The following SFMBT2 variants were observed in gnomAD, a reference collection of about 807,000 sequenced individuals.
SFMBT2 encodes the protein scm-like with four MBT domains protein 2.
A neutral mutation model predicts 110.1 loss-of-function variants in SFMBT2; 38 were observed. The observed-to-expected ratio is 0.35, with a 90% CI of 0.27 to 0.45. The LOEUF is 0.45. SFMBT2 is among the 20% of genes least tolerant of loss of function. The pLI is 1.00. For synonymous variants in SFMBT2, 425 were observed against 425.4 expected (o/e 1.00, Z 0.01); for missense variants, 1,011 against 1,094.9 (o/e 0.92, Z 1.08).
intron 6 of SFMBT2, among the ~76,000 whole-genome samples, chr10:7,282,980 G>T (rs1185938549): frequency 6.6e-6 from 1 of 152,162 alleles, no homozygotes; most frequent in South Asian, 2.1e-4. Context: ...GCCGGTAAGA[G>T]GAGGCCGGTA....
rs370851827 is a variant in SFMBT2, at chr10:7,385,870, G to T, written c.-51-3921C>A. Among the ~76,000 whole-genome samples, 8 of 152,178 alleles carry T rather than the reference G, an allele frequency of 5.3e-5. No individual in the cohort carries two copies. The East Asian group carries it at 1.4e-3, about 26-fold the overall frequency. On this transcript the variant is annotated intron_variant, in intron 1 of 20. Transcript: ENST00000397167. Reference sequence around the variant, plus strand: ...AAAAAATTAGCCAGGCGTGGTGGTGGGCACCTGTAGTCCCAGCTACTCAGG... The same window carrying T: ...AAAAAATTAGCCAGGCGTGGTGGTGTGCACCTGTAGTCCCAGCTACTCAGG...
At chr10:7,348,086 A>G (rs1433492512) in intron 4 of SFMBT2, 1 of 416,640 alleles carries the variant, frequency 2.4e-6, no homozygotes, top group African/African-American at 2.0e-5. Context: ...CCCGGCATAT[A>G]AATCATCATC....
chr10:7,241,586 T>C (rs1840431238), intron 9 of SFMBT2, among the ~76,000 whole-genome samples: 2 of 152,208 alleles, frequency 1.3e-5, no homozygotes, highest in Non-Finnish European at 2.9e-5. Flanking sequence ...CTAAATATTA[T>C]GTATAAAAAG....
intron 5 of SFMBT2, 81 bp from the exon 6 acceptor site, chr10:7,284,231 A>AT: frequency 1.3e-6 from 2 of 1,547,068 alleles, no homozygotes; most frequent in Admixed American, 2.0e-5. Context: ...AGAAGATAAT[A>AT]TTTTTTCACA....
chr10:7,398,693 A>ACAAACCCT (rs1187018550), intron 1 of SFMBT2, among the ~76,000 whole-genome samples: 1 of 152,196 alleles, frequency 6.6e-6, no homozygotes, highest in Non-Finnish European at 1.5e-5. Flanking sequence ...AACCTATTGG[A>ACAAACCCT]CAAACCCTAC....
At chr10:7,215,249 A>G (rs1024892272) in intron 11 of SFMBT2, among the ~76,000 whole-genome samples, 1 of 152,100 alleles carries the variant, frequency 6.6e-6, no homozygotes, top group African/African-American at 2.4e-5. Flanking sequence ...TAAAAATACA[A>G]AAGAAATTAG....
At chr10:7,174,271 G>C (rs909368581) in intron 17 of SFMBT2, among the ~76,000 whole-genome samples, 1 of 152,220 alleles carries the variant, frequency 6.6e-6, no homozygotes, top group Admixed American at 6.5e-5. Context: ...CTCCAGGTAC[G>C]GGGCAAATGA....
chr10:7,223,857 G>A (rs1166127870), intron 10 of SFMBT2, among the ~76,000 whole-genome samples: 1 of 152,202 alleles, frequency 6.6e-6, no homozygotes, highest in East Asian at 1.9e-4. Context: ...CAGAGAATGT[G>A]TATTTCTGAA....
rs74117295 is a variant in SFMBT2 at position 7,255,946 on chromosome 10, C to T, written c.871-7297G>A. On this transcript the variant is annotated intron_variant, in intron 7 of 20. Coordinates refer to ENST00000397167, the MANE Select transcript of SFMBT2 (RefSeq NM_001387889.1). ...AACAGACAAATGTACTGCAAATATT[C>T]CAAAATCTGAACCCAGAGACACGTC... is the stretch of plus-strand genomic sequence containing the variant. Among the ~76,000 whole-genome samples, 720 of 152,272 alleles carry T rather than the reference C, an allele frequency of 4.7e-3. 1 individual carries two copies. The highest frequency in any genetic ancestry group is 0.017 in the African/African-American group (693 of 41,536).
chr10:7,393,029 ATATAT>A (rs1435780529), intron 1 of SFMBT2, among the ~76,000 whole-genome samples: 3 of 40,142 alleles, frequency 7.5e-5, no homozygotes, highest in South Asian at 7.3e-4. Context: ...ATATATATAT[ATATAT>A]AATTTTTTTT....
chr10:7,333,345 A>G (rs970452463), intron 4 of SFMBT2, among the ~76,000 whole-genome samples: 102 of 152,074 alleles, frequency 6.7e-4, no homozygotes, highest in African/African-American at 2.4e-3. Flanking sequence ...GGCATATTAC[A>G]GGCACCTAGT....
chr10:7,164,466 C>T, intron 20 of SFMBT2: 1 of 984,028 alleles, frequency 1.0e-6, no homozygotes, highest in Non-Finnish European at 1.2e-6. Context: ...CACATACCTA[C>T]CCTGGTGGGT....
chr10:7,371,920 ATTTTTTTTTT>A lies in SFMBT2; in HGVS notation c.101-1555_101-1546del, dbSNP rs762872004. 5.1e-5 allele frequency among the ~76,000 whole-genome samples: 4 copies of A among 77,734 alleles called. No individual in the cohort carries two copies. In the South Asian group the frequency reaches 2.2e-3, roughly 44 times the overall value. The allele number at this position is 77,734 out of a possible 152,430, so 51.0% of individuals were successfully genotyped here. ...TATCACTACTTTTTGTCCACCTGTA[ATTTTTTTTTT>A]TTTTTTTTTTTTTTGAGATGGAGTC... On this transcript the variant is annotated intron_variant, in intron 2 of 20. Coordinates refer to ENST00000397167, the MANE Select transcript of SFMBT2 (RefSeq NM_001387889.1).
chr10:7,250,007 A>T (rs897751395), intron 7 of SFMBT2, among the ~76,000 whole-genome samples: 3 of 152,264 alleles, frequency 2.0e-5, no homozygotes, highest in South Asian at 4.1e-4. Context: ...CAAATTCCTT[A>T]AGAACTTACA....
chr10:7,370,669 G>A (rs935852371), intron 2 of SFMBT2: 5 of 185,524 alleles, frequency 2.7e-5, no homozygotes, highest in Non-Finnish European at 4.1e-5. Flanking sequence ...CTACATGTTC[G>A]TGTAATAGTT....
In SFMBT2 at chr10:7,291,916, G is replaced by T. The variant is rs151041437; in HGVS notation, c.437-5962C>A. Among the ~76,000 whole-genome samples, 3 of 152,202 alleles carry T rather than the reference G, an allele frequency of 2.0e-5. 1 individual carries two copies. In the East Asian group the frequency reaches 5.8e-4, roughly 29 times the overall value. ...GGAACCCTGTGATTTTCAGCCCCAC[G>T]TGGGACTCCTACCCACCCAGCATTC... On this transcript the variant is annotated intron_variant, in intron 4 of 20. Transcript: ENST00000397167.
chr10:7,315,077 A>AG, intron 4 of SFMBT2, among the ~76,000 whole-genome samples: 2 of 145,076 alleles, frequency 1.4e-5, no homozygotes, highest in African/African-American at 5.1e-5. Context: ...AGAAAGAAAG[A>AG]AAGAAAGAAA....
intron 1 of SFMBT2, among the ~76,000 whole-genome samples, chr10:7,403,532 C>T (rs1322737524): frequency 6.6e-6 from 1 of 152,032 alleles, no homozygotes; most frequent in Non-Finnish European, 1.5e-5. Flanking sequence ...GTTCCAGCTA[C>T]TTGGGAGGCT....
rs759293227 is a variant in SFMBT2, at chr10:7,284,123, G to A, written c.553C>T (p.Leu185Phe). ...GPLRGKGPID[L>F]ITVGSLIELQ... Reference sequence around the variant, plus strand: ...TCTATTAAGGAACCAACTGTAATGAGGTCTATAGGGCCTTTCCCTCGCAGA... The same window carrying A: ...TCTATTAAGGAACCAACTGTAATGAAGTCTATAGGGCCTTTCCCTCGCAGA... The change falls in exon 6 of 21, where the codon CTC becomes TTC. Residue 185 changes from leucine to phenylalanine, a missense_variant. Leu to Phe is a conservative substitution (Grantham distance 22). Around this residue, in one of 2 missense-constraint regions of SFMBT2, gnomAD observed 979 missense variants for 1,016.1 expected, o/e 0.96. Coordinates refer to ENST00000397167, the MANE Select transcript of SFMBT2 (RefSeq NM_001387889.1). The A allele has an allele frequency of 1.2e-6, 2 of 1,614,160 alleles. No individual in the cohort carries two copies. Among genetic ancestry groups the A allele is most frequent in the Non-Finnish European group, 1.7e-6 (2 of 1,180,022 alleles).
Sources: gnomAD v4.1 joint callset for allele counts (sites outside exome capture counted in the v4.1 genomes callset) on GRCh38, gnomAD v4.1.1 for gene constraint, gnomAD v4.1.1 regional missense constraint, MANE v1.5 for transcripts, NCBI Gene and HGNC (gene_info 2026-07-23, HGNC 2026-07-21) for gene names.